NPAS3: variants seen among roughly 807,000 people sequenced by gnomAD.
NPAS3 encodes neuronal PAS domain-containing protein 3.
NPAS3 carries 14 observed loss-of-function variants against 73.1 expected under a neutral mutation model. The observed-to-expected ratio is 0.19, with a 90% CI of 0.13 to 0.30. The LOEUF (loss-of-function observed/expected upper bound fraction) is 0.30. Among genes scored for constraint, NPAS3 ranks in the 10% least tolerant of loss-of-function variants. NPAS3 has a pLI of 1.00. For missense variants in NPAS3, 1,096 were observed against 1,250.0 expected (o/e 0.88, Z 1.86); for synonymous variants, 620 against 541.5 (o/e 1.14, Z -2.01).
At chr14:33,187,827 AATC>A (rs2046035116) in intron 2 of NPAS3, among the ~76,000 whole-genome samples, 1 of 152,204 alleles carries the variant, frequency 6.6e-6, no homozygotes, top group South Asian at 2.1e-4. Flanking sequence ...ATATATTTTT[AATC>A]ATCACGGCAA....
At chr14:33,433,555 C>G (rs1399587284) in intron 4 of NPAS3, among the ~76,000 whole-genome samples, 1 of 152,352 alleles carries the variant, frequency 6.6e-6, no homozygotes, top group East Asian at 1.9e-4. Context: ...GGAATGTTCT[C>G]CATACATTTG....
intron 1 of NPAS3, among the ~76,000 whole-genome samples, chr14:33,025,447 G>C (rs973891199): frequency 6.6e-6 from 1 of 152,168 alleles, no homozygotes; most frequent in Non-Finnish European, 1.5e-5. Flanking sequence ...CCCAATCATA[G>C]ATATAGTTCA....
intron 2 of NPAS3, among the ~76,000 whole-genome samples, chr14:33,104,519 G>C (rs1047777094): frequency 2.0e-5 from 3 of 152,154 alleles, no homozygotes; most frequent in African/African-American, 7.2e-5. Flanking sequence ...AAACTACTGA[G>C]CATTTTAGTG....
chr14:33,228,352 CAT>C (rs2047714806), intron 3 of NPAS3, among the ~76,000 whole-genome samples: 1 of 151,982 alleles, frequency 6.6e-6, no homozygotes, highest in South Asian at 2.1e-4. Flanking sequence ...CTTAACGAGA[CAT>C]GTAGAAGTTG....
intron 5 of NPAS3, among the ~76,000 whole-genome samples, chr14:33,609,141 G>T (rs112393921): frequency 1.3e-5 from 2 of 151,404 alleles, no homozygotes; most frequent in African/African-American, 4.9e-5. Flanking sequence ...TCATTCTCTC[G>T]TTAAATTATT....
At chr14:33,767,033 C>T (rs1440200800) in intron 7 of NPAS3, among the ~76,000 whole-genome samples, 4 of 152,218 alleles carry the variant, frequency 2.6e-5, no homozygotes, top group Non-Finnish European at 4.4e-5. Flanking sequence ...CCCAGAAGGT[C>T]TAAGGGCTCC....
intron 3 of NPAS3, among the ~76,000 whole-genome samples, chr14:33,272,895 T>G (rs990950987): frequency 8.5e-5 from 13 of 152,186 alleles, no homozygotes; most frequent in African/African-American, 2.9e-4. Flanking sequence ...TCTTTACAAT[T>G]TTACAAAGCA....
intron 2 of NPAS3, among the ~76,000 whole-genome samples, chr14:33,202,642 A>G (rs1952072): frequency 0.24 from 37,131 of 151,868 alleles, 5,524 homozygotes; most frequent in Non-Finnish European, 0.35. Flanking sequence ...GCTCATTAAT[A>G]TCCTAACTAC....
At chr14:33,055,515 T>C (rs1031320133) in intron 1 of NPAS3, among the ~76,000 whole-genome samples, 6 of 152,234 alleles carry the variant, frequency 3.9e-5, no homozygotes, top group African/African-American at 1.4e-4. Flanking sequence ...ACAATAGTAA[T>C]GCATGATTGA....
chr14:33,672,371 TAAAAGA>T (rs998804263), intron 5 of NPAS3, among the ~76,000 whole-genome samples: 5 of 152,140 alleles, frequency 3.3e-5, no homozygotes, highest in African/African-American at 1.2e-4. Context: ...CAAGTACAAG[TAAAAGA>T]AATTTTTTTT....
chr14:32,937,334 C>T (rs1269500342), upstream of NPAS3, among the ~76,000 whole-genome samples: 1 of 152,006 alleles, frequency 6.6e-6, no homozygotes, highest in East Asian at 1.9e-4. Context: ...TTGAGGAGTC[C>T]GCCGCGGGAG....
At chr14:33,401,270 A>G (rs1279206992) in intron 4 of NPAS3, among the ~76,000 whole-genome samples, 2 of 151,974 alleles carry the variant, frequency 1.3e-5, no homozygotes, top group Non-Finnish European at 2.9e-5. Flanking sequence ...AGAATGGGGA[A>G]TCTGCTTTCT....
chr14:33,509,977 A>G (rs1160729272), intron 4 of NPAS3, among the ~76,000 whole-genome samples: 1 of 151,984 alleles, frequency 6.6e-6, no homozygotes, highest in Non-Finnish European at 1.5e-5. Flanking sequence ...CAAAGCTTTT[A>G]TATCCTGAAC....
At chr14:33,672,534 A>T (rs2059639416) in intron 5 of NPAS3, among the ~76,000 whole-genome samples, 1 of 152,180 alleles carries the variant, frequency 6.6e-6, no homozygotes, top group Admixed American at 6.5e-5. Flanking sequence ...TTAGCATTGG[A>T]TTGGAGCTCT....
intron 5 of NPAS3, among the ~76,000 whole-genome samples, chr14:33,637,097 G>A (rs2058542884): frequency 6.6e-6 from 1 of 152,054 alleles, no homozygotes; most frequent in Admixed American, 6.5e-5. Context: ...TCTAGATTGT[G>A]GAGAAACAAA....
At chr14:33,621,988 C>T (rs1265218030) in intron 5 of NPAS3, among the ~76,000 whole-genome samples, 1 of 152,074 alleles carries the variant, frequency 6.6e-6, no homozygotes, top group Non-Finnish European at 1.5e-5. Context: ...GGTCCAGTGT[C>T]AGAATTTAAA....
At chr14:33,200,600 T>C (rs2046577663) in intron 2 of NPAS3, among the ~76,000 whole-genome samples, 1 of 152,074 alleles carries the variant, frequency 6.6e-6, no homozygotes, top group South Asian at 2.1e-4. Flanking sequence ...ACAGGAGAAA[T>C]GAGAATCATA....
rs1311943084 is a variant in NPAS3, at chr14:33,333,333, A to T, written c.386-33853A>T. Among the ~76,000 whole-genome samples, 4 of 152,196 alleles carry T rather than the reference A, an allele frequency of 2.6e-5. No individual in the cohort carries two copies. The East Asian group carries it at 7.7e-4, about 29-fold the overall frequency. On this transcript the variant is annotated intron_variant, in intron 3 of 11. Transcript: ENST00000356141. Reference sequence around the variant, plus strand: ...CAGTTGCCCTGGAATTAGCAAACAGATGTTTAACATTTTCATGATACTTTT... The same window carrying T: ...CAGTTGCCCTGGAATTAGCAAACAGTTGTTTAACATTTTCATGATACTTTT...
At chr14:33,657,815 C>T (rs1316201392) in intron 5 of NPAS3, among the ~76,000 whole-genome samples, 1 of 152,132 alleles carries the variant, frequency 6.6e-6, no homozygotes, top group East Asian at 1.9e-4. Flanking sequence ...AATTGTGTTA[C>T]TCTTGCAGTG....
Sources: gnomAD v4.1 joint callset for allele counts (sites outside exome capture counted in the v4.1 genomes callset) on GRCh38, gnomAD v4.1.1 for gene constraint, MANE v1.5 for transcripts, NCBI Gene and HGNC (gene_info 2026-07-23, HGNC 2026-07-21) for gene names.